Variants in CNIH3 observed in about 807,000 individuals in gnomAD.
CNIH3 encodes cornichon family AMPA receptor auxiliary protein 3.
CNIH3 carries 14 observed loss-of-function variants against 24.1 expected under a neutral mutation model. The observed-to-expected ratio is 0.58, with a 90% CI of 0.38 to 0.91. The LOEUF (loss-of-function observed/expected upper bound fraction) is 0.91, where lower values mean the gene tolerates loss of function less well. Ranked by LOEUF, CNIH3 falls within the 40% of genes least tolerant of loss-of-function variation. CNIH3 has a pLI of 0.00. For synonymous variants in CNIH3, 68 were observed against 73.8 expected (o/e 0.92, Z 0.40); for missense variants, 178 against 196.8 (o/e 0.90, Z 0.57).
chr1:224,507,413 T>C (rs1335539206), intron 1 of CNIH3, among the ~76,000 whole-genome samples: 1 of 152,216 alleles, frequency 6.6e-6, no homozygotes, highest in African/African-American at 2.4e-5. Context: ...GCCTATGTTC[T>C]GGGGTTTGTT....
rs1683003726 is a variant in CNIH3 at position 224,616,577 on chromosome 1, A to G, written c.-598A>G. 2.0e-6 allele frequency: 2 copies of G among 986,494 alleles called. No homozygotes were observed. The highest frequency in any genetic ancestry group is 1.2e-6 in the Non-Finnish European group (1 of 830,792). The allele number at this position is 986,494 out of a possible 1,614,324, so 61.1% of individuals were successfully genotyped here. Reference sequence around the variant, plus strand: ...AAGCCGCGTCTGGGGCGCAGGACCAACGGGACCTACCTCCTCCCGGCTACC... The same window carrying G: ...AAGCCGCGTCTGGGGCGCAGGACCAGCGGGACCTACCTCCTCCCGGCTACC... On this transcript the variant is annotated 5_prime_UTR_variant, in exon 1 of 6. Transcript: ENST00000272133.
At chr1:224,653,435 A>C (rs1016363693) in intron 1 of CNIH3, among the ~76,000 whole-genome samples, 21 of 151,996 alleles carry the variant, frequency 1.4e-4, no homozygotes, top group African/African-American at 4.6e-4. Context: ...AAAAAAAAAA[A>C]AAAGTGACTG....
At chr1:224,695,467 G>T (rs1687122892) in intron 3 of CNIH3, among the ~76,000 whole-genome samples, 1 of 152,012 alleles carries the variant, frequency 6.6e-6, no homozygotes. Context: ...TTCAGGTTCA[G>T]CAGGTTTACA....
chr1:224,700,635 C>G (rs1012771759), intron 3 of CNIH3, among the ~76,000 whole-genome samples: 2 of 152,152 alleles, frequency 1.3e-5, no homozygotes, highest in African/African-American at 2.4e-5. Flanking sequence ...TTATCAAGAT[C>G]AAAAGCAAAG....
In CNIH3 at chr1:224,462,665, G is replaced by C. The variant is rs573061652; in HGVS notation, n.203+27803G>C. Among the ~76,000 whole-genome samples the C allele has an allele frequency of 9.1e-5, 11 of 121,472 alleles. No homozygotes were observed. The East Asian group carries it at 2.5e-3, about 28-fold the overall frequency. 79.7% of individuals were successfully genotyped at this position (121,472 alleles called of 152,430 possible). On this transcript the variant is annotated intron_variant and non_coding_transcript_variant, in intron 1 of 5. Transcript: ENST00000471578. ...TTTTTTTTTTTTTTTTTTTGAGATA[G>C]GGTCTCATTCTGTCACCTGGCTGAA...
intron 1 of CNIH3, among the ~76,000 whole-genome samples, chr1:224,671,366 A>T (rs1685857142): frequency 2.0e-5 from 3 of 152,160 alleles, no homozygotes; most frequent in Admixed American, 2.0e-4. Context: ...CATTCATTTG[A>T]TTGGGAGCCC....
intron 1 of CNIH3, among the ~76,000 whole-genome samples, chr1:224,510,639 GAACCATATTA>G (rs1373683770): frequency 2.0e-5 from 3 of 150,042 alleles, no homozygotes; most frequent in African/African-American, 7.4e-5. Flanking sequence ...GAAAGAACTA[GAACCATATTA>G]ATGTCCTGGC....
intron 1 of CNIH3, among the ~76,000 whole-genome samples, chr1:224,660,334 C>G (rs1166660298): frequency 1.3e-5 from 2 of 152,064 alleles, no homozygotes; most frequent in Admixed American, 1.3e-4. Flanking sequence ...AAATCACCCC[C>G]ATAATTCAAT....
intron 1 of CNIH3, among the ~76,000 whole-genome samples, chr1:224,454,058 CTG>C (rs1462936142): frequency 6.6e-6 from 1 of 152,290 alleles, no homozygotes; most frequent in Non-Finnish European, 1.5e-5. Context: ...GAAATTAGAA[CTG>C]AGGTTTCCTC....
At chr1:224,474,849 A>T (rs1435480422) in intron 1 of CNIH3, among the ~76,000 whole-genome samples, 1 of 149,166 alleles carries the variant, frequency 6.7e-6, no homozygotes, top group Non-Finnish European at 1.5e-5. Context: ...AACACGGTGA[A>T]ACCCCGTCTC....
intron 3 of CNIH3, among the ~76,000 whole-genome samples, chr1:224,564,966 C>T (rs902972294): frequency 4.6e-5 from 7 of 152,222 alleles, no homozygotes; most frequent in African/African-American, 1.4e-4. Flanking sequence ...AGCTGTCATC[C>T]ACTGCATCCC....
Position 224,680,957 on chromosome 1 carries a change from G to C in CNIH3, c.82-1G>C. ...CCTCAAATCTCTGTATTCTGTTTCA[G>C]ATAATTGCCTTTGATGAGTTAAGGA... On this transcript the variant is annotated splice_acceptor_variant, in intron 1 of 5. Coordinates refer to ENST00000272133, the MANE Select transcript of CNIH3 (RefSeq NM_152495.2). LOFTEE classifies it high-confidence loss of function. The C allele has an allele frequency of 6.2e-7, 1 of 1,612,468 alleles. No individual in the cohort carries two copies. Among genetic ancestry groups the C allele is most frequent in the Non-Finnish European group, 8.5e-7 (1 of 1,178,490 alleles).
intron 4 of CNIH3, among the ~76,000 whole-genome samples, chr1:224,578,641 A>G (rs1681137999): frequency 6.6e-6 from 1 of 152,170 alleles, no homozygotes. Context: ...TTGAGATCTT[A>G]TATACCTAAA....
Position 224,534,226 on chromosome 1 carries a change from TA to T in CNIH3, n.344-2708del, listed in dbSNP as rs1313288711. ...CTTCTTGGGGAACACAATTCAACCATAACATCTGCTAAGCAAATTACTGTGT... is the reference window on the plus strand; with the variant it reads ...CTTCTTGGGGAACACAATTCAACCATACATCTGCTAAGCAAATTACTGTGT... On this transcript the variant is annotated intron_variant and non_coding_transcript_variant, in intron 2 of 2. Transcript: ENST00000470602. Among the ~76,000 whole-genome samples, 12 of 152,280 alleles carry T rather than the reference TA, an allele frequency of 7.9e-5. No homozygotes were observed. The East Asian group carries it at 2.1e-3, about 27-fold the overall frequency.
chr1:224,473,587 A>G, intron 1 of CNIH3, among the ~76,000 whole-genome samples: 1 of 152,252 alleles, frequency 6.6e-6, no homozygotes, highest in Non-Finnish European at 1.5e-5. Context: ...AGGTCAGTTC[A>G]GCAAGAGGAT....
At chr1:224,502,030 G>A (rs1406950110) in intron 1 of CNIH3, among the ~76,000 whole-genome samples, 2 of 152,176 alleles carry the variant, frequency 1.3e-5, no homozygotes, top group African/African-American at 4.8e-5. Flanking sequence ...AGAATGTGGG[G>A]AGGGCAGGTG....
At chr1:224,476,719 C>T (rs548511101) in intron 1 of CNIH3, among the ~76,000 whole-genome samples, 16 of 152,106 alleles carry the variant, frequency 1.1e-4, no homozygotes, top group Non-Finnish European at 1.9e-4. Flanking sequence ...TTAAAATATC[C>T]ATACCACCCA....
intron 5 of CNIH3, among the ~76,000 whole-genome samples, chr1:224,738,668 C>G (rs1032438677): frequency 3.3e-5 from 5 of 152,040 alleles, no homozygotes; most frequent in African/African-American, 1.2e-4. Context: ...GCAAAATTAC[C>G]CTGAAGCCCT....
At chr1:224,574,532 G>T (rs1680952634) in intron 4 of CNIH3, 1 of 720,286 alleles carries the variant, frequency 1.4e-6, no homozygotes, top group Non-Finnish European at 2.6e-6. Flanking sequence ...AGGCTGTGAA[G>T]GTGGCCATTA....
Sources: allele counts gnomAD v4.1 joint callset (sites outside exome capture counted in the v4.1 genomes callset), GRCh38; gene constraint gnomAD v4.1.1; transcripts MANE v1.5; gene names NCBI Gene and HGNC (gene_info 2026-07-23, HGNC 2026-07-21).